The following CUX1 variants were observed in gnomAD, a reference collection of about 807,000 sequenced individuals.
The protein encoded by CUX1 is protein CASP.
CUX1 carries 31 observed loss-of-function variants against 158.8 expected under a neutral mutation model. The ratio of observed to expected loss-of-function variants is 0.20; its 90% CI spans 0.15 to 0.26. The LOEUF is 0.26. Among genes scored for constraint, CUX1 ranks in the 10% least tolerant of loss-of-function variants. CUX1 has a pLI of 1.00. For missense variants in CUX1, 1,589 were observed against 2,014.6 expected (o/e 0.79, Z 4.04); for synonymous variants, 879 against 862.1 (o/e 1.02, Z -0.34).
chr7:102,019,263 T>C (rs1380697044), intron 2 of CUX1, among the ~76,000 whole-genome samples: 1 of 151,978 alleles, frequency 6.6e-6, no homozygotes, highest in East Asian at 1.9e-4. Flanking sequence ...AGTCTCATTC[T>C]GTTGCCCAGG....
intron 1 of CUX1, among the ~76,000 whole-genome samples, chr7:101,819,193 G>A (rs1453638380): frequency 6.6e-6 from 1 of 152,224 alleles, no homozygotes; most frequent in Non-Finnish European, 1.5e-5. Context: ...AGTTGGACAA[G>A]TTTTTTATCC....
chr7:102,135,466 G>C (rs1833798912), intron 8 of CUX1, among the ~76,000 whole-genome samples: 2 of 151,664 alleles, frequency 1.3e-5, no homozygotes, highest in Admixed American at 1.3e-4. Flanking sequence ...GAGGTGGGAG[G>C]GGGGCCAGAC....
intron 2 of CUX1, among the ~76,000 whole-genome samples, chr7:102,026,714 G>A (rs1172657573): frequency 1.3e-5 from 2 of 151,218 alleles, no homozygotes; most frequent in Admixed American, 1.3e-4. Flanking sequence ...CAGCTACTCA[G>A]GAGGTTGAGG....
intron 12 of CUX1, among the ~76,000 whole-genome samples, chr7:102,190,508 C>T (rs577822748): frequency 1.2e-3 from 183 of 152,304 alleles, no homozygotes; most frequent in African/African-American, 4.2e-3. Flanking sequence ...GGCTCACTGA[C>T]CTCCCCTGCA....
chr7:102,079,928 G>A (rs555047401), intron 4 of CUX1, among the ~76,000 whole-genome samples: 1 of 152,098 alleles, frequency 6.6e-6, no homozygotes, highest in African/African-American at 2.4e-5. Flanking sequence ...CTCAGGCTCC[G>A]GCATTAGGGA....
chr7:102,177,393 G>A (rs1390510479), intron 10 of CUX1, among the ~76,000 whole-genome samples: 2 of 146,566 alleles, frequency 1.4e-5, no homozygotes, highest in East Asian at 2.0e-4. Flanking sequence ...CAGCCTGGGC[G>A]ACAGACCAAA....
chr7:102,191,691 C>T (rs1554517022), intron 12 of CUX1, among the ~76,000 whole-genome samples: 2 of 152,140 alleles, frequency 1.3e-5, no homozygotes, highest in Non-Finnish European at 2.9e-5. Flanking sequence ...AGTTAGTCGT[C>T]GTCTTCATTG....
chr7:102,174,633 G>A (rs1792103100), intron 10 of CUX1, among the ~76,000 whole-genome samples: 2 of 152,198 alleles, frequency 1.3e-5, no homozygotes, highest in Non-Finnish European at 2.9e-5. Flanking sequence ...TTGAGATGGA[G>A]TGAGCCACAG....
upstream of CUX1, chr7:101,817,046 G>T (rs1047566829): frequency 4.0e-5 from 39 of 984,468 alleles, no homozygotes; most frequent in Non-Finnish European, 4.6e-5. This position sits in a 1 kb window ranked among gnomAD's most constrained non-coding sequence, Gnocchi z 4.1. Context: ...CCCCCGCGGG[G>T]GCTCTTTGGG....
At chr7:101,943,484 G>A (rs550741213) in intron 2 of CUX1, among the ~76,000 whole-genome samples, 1 of 151,916 alleles carries the variant, frequency 6.6e-6, no homozygotes, top group Non-Finnish European at 1.5e-5. Context: ...GCTCTCCCGC[G>A]CGGCGGCGGC....
intron 2 of CUX1, among the ~76,000 whole-genome samples, chr7:101,924,058 C>G (rs556332347): frequency 2.0e-5 from 3 of 152,314 alleles, no homozygotes; most frequent in South Asian, 2.1e-4. Context: ...CCGACCCTGG[C>G]AGGCACGGTG....
At chr7:101,827,241 C>CTCTT (rs1793408740) in intron 1 of CUX1, among the ~76,000 whole-genome samples, 1 of 72,474 alleles carries the variant, frequency 1.4e-5, no homozygotes, top group African/African-American at 4.8e-5. Context: ...TCTCCCCTCC[C>CTCTT]CTCCTTCTCT....
Position 102,251,233 on chromosome 7 carries a change from T to C in CUX1, c.*2191T>C, listed in dbSNP as rs1173788415. ...ATTTCTTAAGTTTAATTAATATTAC[T>C]TTTTTTTTTATTTGGGGGGTGGGAG... On this transcript the variant is annotated 3_prime_UTR_variant, in exon 24 of 24. Coordinates refer to ENST00000292535, the MANE Select transcript of CUX1 (RefSeq NM_181552.4). 2 of 842,114 alleles carry C rather than the reference T, an allele frequency of 2.4e-6. No individual in the cohort carries two copies. The highest frequency in any genetic ancestry group is 4.1e-5 in the African/African-American group (2 of 49,178). 52.2% of individuals were successfully genotyped at this position (842,114 alleles called of 1,614,324 possible). A position where few individuals can be genotyped will look rare whatever the true frequency, so the allele number is the denominator to read the frequency against.
rs146938600 is a variant in CUX1, at chr7:102,035,484, A to G, written c.189+7339A>G. Among the ~76,000 whole-genome samples the G allele has an allele frequency of 1.2e-3, 182 of 152,226 alleles. 1 individual carries two copies. Among genetic ancestry groups the G allele is most frequent in the African/African-American group, 4.2e-3 (174 of 41,536 alleles). On this transcript the variant is annotated intron_variant, in intron 3 of 23. Coordinates refer to ENST00000292535, the MANE Select transcript of CUX1 (RefSeq NM_181552.4). ...GACTATAATATTTTCAGCCTACAGT[A>G]TAAGTATTGCAACAGAAGAAATCAA...
intron 12 of CUX1, 36 bp from the exon 13 acceptor site, chr7:102,193,806 A>C (rs1554517590): frequency 1.2e-6 from 2 of 1,607,102 alleles, no homozygotes; most frequent in Admixed American, 3.4e-5. Flanking sequence ...TGTCTCAAAA[A>C]ATAAATAAAA....
intron 2 of CUX1, among the ~76,000 whole-genome samples, chr7:101,931,939 T>G (rs2129119606): frequency 6.6e-6 from 1 of 152,362 alleles, no homozygotes; most frequent in Non-Finnish European, 1.5e-5. Context: ...GAAGGCATTT[T>G]CAAGTTTTGA....
intron 1 of CUX1, among the ~76,000 whole-genome samples, chr7:101,870,131 C>T (rs1266797942): frequency 6.7e-6 from 1 of 149,668 alleles, no homozygotes; most frequent in Non-Finnish European, 1.5e-5. Flanking sequence ...CCATGCAGGC[C>T]CTGATGTTTA....
At chr7:102,259,835 A>G (rs773331638), downstream of CUX1, among the ~76,000 whole-genome samples, 1 of 151,464 alleles carries the variant, frequency 6.6e-6, no homozygotes, top group African/African-American at 2.4e-5. Context: ...TGTAACTCCT[A>G]TAGGCCCAGC....
chr7:102,228,468 A>G (rs1798579618), intron 21 of CUX1, among the ~76,000 whole-genome samples: 1 of 152,052 alleles, frequency 6.6e-6, no homozygotes, highest in South Asian at 2.1e-4. Context: ...AGACCAGCCT[A>G]GGCAACATAG....
Sources: gnomAD v4.1 joint callset for allele counts (sites outside exome capture counted in the v4.1 genomes callset) on GRCh38, gnomAD v4.1.1 for gene constraint, Gnocchi (gnomAD v3.1) non-coding constraint, MANE v1.5 for transcripts, NCBI Gene and HGNC (gene_info 2026-07-23, HGNC 2026-07-21) for gene names.